Variants in SAMD12 observed in about 807,000 individuals in gnomAD.
SAMD12 encodes the protein sterile alpha motif domain-containing protein 12.
In SAMD12, 9 loss-of-function variants were observed where a neutral mutation model predicts 15.0. The ratio of observed to expected loss-of-function variants is 0.60; its 90% CI spans 0.36 to 1.05. The LOEUF (loss-of-function observed/expected upper bound fraction) is 1.05. Ranked by LOEUF, SAMD12 falls within the 50% of genes least tolerant of loss-of-function variation. The pLI is 0.01. For missense variants in SAMD12, 230 were observed against 234.2 expected, an observed-to-expected ratio of 0.98 and a Z score of 0.12; for synonymous variants, 86 against 90.1, an observed-to-expected ratio of 0.96 and a Z score of 0.25.
intron 2 of SAMD12, among the ~76,000 whole-genome samples, chr8:118,442,120 A>G (rs1403514603): frequency 6.6e-6 from 1 of 152,224 alleles, no homozygotes; most frequent in Non-Finnish European, 1.5e-5. Flanking sequence ...AGCATCATAA[A>G]CAGTTGTCTA....
intron 2 of SAMD12, among the ~76,000 whole-genome samples, chr8:118,473,493 T>G (rs1823864566): frequency 6.6e-6 from 1 of 152,224 alleles, no homozygotes; most frequent in Non-Finnish European, 1.5e-5. Flanking sequence ...GAATCACTGA[T>G]GTTTTCACCA....
chr8:118,423,447 G>C (rs56794209), intron 3 of SAMD12, among the ~76,000 whole-genome samples: 7 of 151,954 alleles, frequency 4.6e-5, no homozygotes, highest in Non-Finnish European at 1.0e-4. Context: ...TACACACAGA[G>C]ATTTTAGAAG....
chr8:118,585,374 G>A (rs2514586), intron 1 of SAMD12, among the ~76,000 whole-genome samples: 78,252 of 151,954 alleles, frequency 0.51, 22,859 homozygotes, highest in Non-Finnish European at 0.63. Flanking sequence ...TGGTGATGAT[G>A]GTTATACAAT....
chr8:118,598,681 A>G (rs2131294265), intron 1 of SAMD12, among the ~76,000 whole-genome samples: 1 of 152,336 alleles, frequency 6.6e-6, no homozygotes, highest in African/African-American at 2.4e-5. Flanking sequence ...TTCTGGGTGA[A>G]TAGGATTGTT....
intron 4 of SAMD12, among the ~76,000 whole-genome samples, chr8:118,300,800 T>G (rs1351074908): frequency 6.6e-6 from 1 of 152,226 alleles, no homozygotes; most frequent in Non-Finnish European, 1.5e-5. Flanking sequence ...TACAGATTAC[T>G]GATAGGTAGC....
intron 2 of SAMD12, among the ~76,000 whole-genome samples, chr8:118,555,060 T>G (rs1563581731): frequency 6.6e-6 from 1 of 152,106 alleles, no homozygotes; most frequent in South Asian, 2.1e-4. Flanking sequence ...AGTTAGGGGT[T>G]TGGAAAGAAA....
At chr8:118,429,528 TTCTAA>T (rs1373224040) in intron 3 of SAMD12, among the ~76,000 whole-genome samples, 2 of 152,318 alleles carry the variant, frequency 1.3e-5, no homozygotes, top group East Asian at 3.9e-4. Flanking sequence ...ACTTCTTCCT[TTCTAA>T]TCTTTTTGTC....
chr8:118,328,143 T>C (rs1418280863), intron 4 of SAMD12, among the ~76,000 whole-genome samples: 3 of 152,180 alleles, frequency 2.0e-5, no homozygotes, highest in African/African-American at 4.8e-5. Flanking sequence ...CCTCCTCCCT[T>C]CTTTAAACCC....
At chr8:118,561,309 T>C (rs1826694184) in intron 2 of SAMD12, among the ~76,000 whole-genome samples, 1 of 152,258 alleles carries the variant, frequency 6.6e-6, no homozygotes, top group Admixed American at 6.5e-5. Flanking sequence ...TTTTAAATTT[T>C]ATCTGCATTG....
intron 4 of SAMD12, among the ~76,000 whole-genome samples, chr8:118,259,533 T>G (rs1813029152): frequency 1.3e-5 from 2 of 152,064 alleles, no homozygotes; most frequent in Admixed American, 6.6e-5. Context: ...AAACCCTGGT[T>G]TAGTGGAACA....
chr8:118,459,557 A>G (rs1367314630), intron 2 of SAMD12, among the ~76,000 whole-genome samples: 8 of 152,194 alleles, frequency 5.3e-5, no homozygotes, highest in Non-Finnish European at 8.8e-5. Context: ...GCATCTTATA[A>G]TTCAAATGAT....
chr8:118,268,402 C>T (rs1760479671), intron 4 of SAMD12, among the ~76,000 whole-genome samples: 1 of 152,176 alleles, frequency 6.6e-6, no homozygotes, highest in Admixed American at 6.6e-5. Flanking sequence ...TCCTGCATGA[C>T]TATTGTTTTT....
chr8:118,185,880 A>C (rs1489100034), downstream of SAMD12, among the ~76,000 whole-genome samples: 1 of 152,092 alleles, frequency 6.6e-6, no homozygotes, highest in African/African-American at 2.4e-5. Context: ...CCAGGTTTCC[A>C]TCTCCCTCTC....
chr8:118,552,882 C>A (rs533118832), intron 2 of SAMD12, among the ~76,000 whole-genome samples: 14 of 151,672 alleles, frequency 9.2e-5, no homozygotes, highest in African/African-American at 3.1e-4. Context: ...TCTTATACAC[C>A]AATAACAGAC....
intron 2 of SAMD12, among the ~76,000 whole-genome samples, chr8:118,572,875 T>A (rs1827055330): frequency 6.6e-6 from 1 of 152,014 alleles, no homozygotes; most frequent in Non-Finnish European, 1.5e-5. Flanking sequence ...TCCCCACGTG[T>A]TGTGGGAGGA....
chr8:118,396,989 A>C (rs1209628550), intron 3 of SAMD12, among the ~76,000 whole-genome samples: 1 of 152,222 alleles, frequency 6.6e-6, no homozygotes, highest in Non-Finnish European at 1.5e-5. Flanking sequence ...TGGGCAATAA[A>C]AGAAAGTGCA....
chr8:118,601,429 T>C (rs1827863341), intron 1 of SAMD12, among the ~76,000 whole-genome samples: 1 of 152,184 alleles, frequency 6.6e-6, no homozygotes, highest in African/African-American at 2.4e-5. Flanking sequence ...CAGTGACTCT[T>C]CTTTGTTTAA....
chr8:118,329,337 A>AT (rs1327593020), intron 4 of SAMD12, among the ~76,000 whole-genome samples: 3 of 152,300 alleles, frequency 2.0e-5, no homozygotes, highest in South Asian at 2.1e-4. Context: ...ATAAATGATC[A>AT]TATATAAAGG....
At chr8:118,139,564 C>T in the SAMD12 span, among the ~76,000 whole-genome samples, 3 of 152,200 alleles carry the variant, frequency 2.0e-5, no homozygotes, top group East Asian at 3.9e-4. Context: ...TTCTGTCCTG[C>T]CCAGGCTGCT....
Sources: allele counts gnomAD v4.1 joint callset (sites outside exome capture counted in the v4.1 genomes callset), GRCh38; gene constraint gnomAD v4.1.1; transcripts MANE v1.5; gene names NCBI Gene and HGNC (gene_info 2026-07-23, HGNC 2026-07-21).